Variants in SHB observed in about 807,000 individuals in gnomAD.
The protein encoded by SHB is SH2 domain containing adaptor protein B, also known as SH2 domain-containing adapter protein B.
SHB carries 20 observed loss-of-function variants against 52.3 expected under a neutral mutation model. That is an observed-to-expected ratio of 0.38 (90% confidence interval 0.27 to 0.56). SHB has a LOEUF of 0.56. SHB is among the 20% of genes least tolerant of loss of function. SHB has a pLI of 0.71. For synonymous variants in SHB, 397 were observed against 316.5 expected, an observed-to-expected ratio of 1.25 and a Z score of -2.70; for missense variants, 825 against 723.3, an observed-to-expected ratio of 1.14 and a Z score of -1.61.
chr9:38,029,882 G>C (rs577469408), intron 1 of SHB, among the ~76,000 whole-genome samples: 21 of 152,332 alleles, frequency 1.4e-4, no homozygotes, highest in African/African-American at 4.8e-4. Context: ...ATAAGTAAAT[G>C]TGTACACATT....
intron 2 of SHB, among the ~76,000 whole-genome samples, chr9:37,992,654 C>T (rs1820897026): frequency 6.6e-6 from 1 of 152,128 alleles, no homozygotes; most frequent in Non-Finnish European, 1.5e-5. Flanking sequence ...AGTCGTGTTC[C>T]CCTGGCCTGT....
intron 5 of SHB, among the ~76,000 whole-genome samples, chr9:37,934,667 A>G (rs78398878): frequency 0.017 from 2,574 of 152,308 alleles, 28 homozygotes; most frequent in Middle Eastern, 0.034. Flanking sequence ...TTGGAAATGG[A>G]ACATTCAAAG....
rs1832119259 is a variant in SHB, at chr9:37,917,745, G to A, written c.*2076C>T. Reference sequence around the variant, plus strand: ...TGTCCCTGCCTTCCTCCCTCATTGAGGGATGTTTTAGGAAATGCCAAACAG... The same window carrying A: ...TGTCCCTGCCTTCCTCCCTCATTGAAGGATGTTTTAGGAAATGCCAAACAG... On this transcript the variant is annotated 3_prime_UTR_variant, in exon 6 of 6. Coordinates refer to ENST00000377707, the MANE Select transcript of SHB (RefSeq NM_003028.3). Among the ~76,000 whole-genome samples the A allele has an allele frequency of 6.6e-6, 1 of 152,236 alleles. No homozygotes were observed.
intron 1 of SHB, among the ~76,000 whole-genome samples, chr9:38,042,212 C>A (rs1028740393): frequency 3.3e-5 from 5 of 152,194 alleles, no homozygotes; most frequent in Admixed American, 3.3e-4. Context: ...TACCTACCCA[C>A]GAGTGTTGCT....
At chr9:38,036,377 T>C (rs568066172) in intron 1 of SHB, among the ~76,000 whole-genome samples, 1 of 152,218 alleles carries the variant, frequency 6.6e-6, no homozygotes, top group African/African-American at 2.4e-5. Context: ...CTGTAAAAAC[T>C]GTATTTCTTC....
intron 2 of SHB, among the ~76,000 whole-genome samples, chr9:38,015,775 G>A (rs903108716): frequency 4.6e-5 from 7 of 152,174 alleles, no homozygotes; most frequent in African/African-American, 9.7e-5. Flanking sequence ...TTAACTGCAC[G>A]TGATATCCTT....
At chr9:38,043,511 C>T (rs1264401414) in intron 1 of SHB, among the ~76,000 whole-genome samples, 2 of 152,154 alleles carry the variant, frequency 1.3e-5, no homozygotes. Flanking sequence ...GGGAGAGAAA[C>T]GCAAGGTGTC....
chr9:37,953,702 G>A (rs1249805328), intron 4 of SHB, among the ~76,000 whole-genome samples: 1 of 152,162 alleles, frequency 6.6e-6, no homozygotes, highest in African/African-American at 2.4e-5. Flanking sequence ...GTGCTAGGGT[G>A]GAGGAGAGGT....
chr9:38,034,988 C>G (rs548144375), intron 1 of SHB, among the ~76,000 whole-genome samples: 1 of 152,304 alleles, frequency 6.6e-6, no homozygotes, highest in Non-Finnish European at 1.5e-5. Context: ...TGAGCCACCC[C>G]ATCCGGCCTG....
chr9:37,978,852 G>A (rs1820687740), intron 2 of SHB, among the ~76,000 whole-genome samples: 1 of 152,186 alleles, frequency 6.6e-6, no homozygotes, highest in Admixed American at 6.5e-5. Context: ...AGACACTAGA[G>A]CAGAAAAAAT....
At chr9:38,005,719 C>T (rs368557495) in intron 2 of SHB, among the ~76,000 whole-genome samples, 143 of 152,256 alleles carry the variant, frequency 9.4e-4, no homozygotes, top group African/African-American at 3.1e-3. Flanking sequence ...CAGCCTGAGC[C>T]CTACTTAGAG....
At chr9:38,006,977 C>T (rs1821082856) in intron 2 of SHB, among the ~76,000 whole-genome samples, 1 of 152,236 alleles carries the variant, frequency 6.6e-6, no homozygotes, top group Non-Finnish European at 1.5e-5. Flanking sequence ...CCCTTGATAA[C>T]CCGGAGCCAC....
intron 2 of SHB, among the ~76,000 whole-genome samples, chr9:38,002,578 C>T (rs1407517051): frequency 6.6e-6 from 1 of 152,198 alleles, no homozygotes; most frequent in Non-Finnish European, 1.5e-5. Flanking sequence ...ATTCAGGGGA[C>T]AGTTGTGAGA....
intron 1 of SHB, among the ~76,000 whole-genome samples, chr9:38,044,754 C>T (rs1821627897): frequency 6.6e-6 from 1 of 152,228 alleles, no homozygotes; most frequent in Admixed American, 6.5e-5. Flanking sequence ...TGGGGTTTTA[C>T]AGCATACTGG....
rs541064957 is a variant in SHB at position 38,012,954 on chromosome 9, C to T, written c.838+3057G>A. ...ACCATCTCCCCTTCGAAAAGCTTCACGTCAGCTCTGCAAGCCTCCTGGAGC... is the reference window on the plus strand; with the variant it reads ...ACCATCTCCCCTTCGAAAAGCTTCATGTCAGCTCTGCAAGCCTCCTGGAGC... On this transcript the variant is annotated intron_variant, in intron 2 of 5. Transcript: ENST00000377707. Among the ~76,000 whole-genome samples, 6 of 152,026 alleles carry T rather than the reference C, an allele frequency of 3.9e-5. No homozygotes were observed. The South Asian group carries it at 1.0e-3, about 26-fold the overall frequency.
At chr9:38,038,267 C>T (rs957340636) in intron 1 of SHB, among the ~76,000 whole-genome samples, 1 of 151,668 alleles carries the variant, frequency 6.6e-6, no homozygotes, top group Non-Finnish European at 1.5e-5. Context: ...GACTTAAGAG[C>T]ACCACAAGGC....
At chr9:38,045,776 G>A (rs1821645101) in intron 1 of SHB, among the ~76,000 whole-genome samples, 1 of 152,170 alleles carries the variant, frequency 6.6e-6, no homozygotes, top group Non-Finnish European at 1.5e-5. Flanking sequence ...GAGAACGTGG[G>A]CAACTTCTGT....
intron 1 of SHB, among the ~76,000 whole-genome samples, chr9:38,057,142 C>G (rs1821832051): frequency 6.6e-6 from 1 of 152,148 alleles, no homozygotes; most frequent in Non-Finnish European, 1.5e-5. Flanking sequence ...TTCATTACGG[C>G]ACTGTTAAAT....
At chr9:38,031,844 A>G (rs1821419951) in intron 1 of SHB, among the ~76,000 whole-genome samples, 1 of 152,248 alleles carries the variant, frequency 6.6e-6, no homozygotes, top group Admixed American at 6.5e-5. Flanking sequence ...AGGCAAAGGT[A>G]TCTTGAACTG....
Sources: gnomAD v4.1 joint callset for allele counts (sites outside exome capture counted in the v4.1 genomes callset) on GRCh38, gnomAD v4.1.1 for gene constraint, MANE v1.5 for transcripts, NCBI Gene and HGNC (gene_info 2026-07-23, HGNC 2026-07-21) for gene names.